OBI1: variants seen among roughly 807,000 people sequenced by gnomAD.
OBI1 encodes the protein ORC ubiquitin ligase 1, also known as ring finger protein 219.
In OBI1, 59 loss-of-function variants were observed where a neutral mutation model predicts 62.4. That is an observed-to-expected ratio of 0.95 (90% confidence interval 0.77 to 1.17). The LOEUF (loss-of-function observed/expected upper bound fraction) is 1.17. Ranked by LOEUF, OBI1 falls within the 50% of genes most tolerant of loss-of-function variation. OBI1 has a pLI of 0.00. For synonymous variants in OBI1, 302 were observed against 292.8 expected (o/e 1.03, Z -0.32); for missense variants, 875 against 830.9 (o/e 1.05, Z -0.65).
chr13:78,655,407 G>A (rs1387437897), intron 1 of OBI1, among the ~76,000 whole-genome samples: 1 of 151,986 alleles, frequency 6.6e-6, no homozygotes, highest in Non-Finnish European at 1.5e-5. Context: ...CCATGGGATG[G>A]TACCTAACTT....
chr13:78,642,476 G>C lies in OBI1; in HGVS notation c.209-263C>G, dbSNP rs185253865. Reference sequence around the variant, plus strand: ...TACATATCTTATCACAGCAAACTCAGTGGAGGAAAGGGCTGTAATTATCAC... The same window carrying C: ...TACATATCTTATCACAGCAAACTCACTGGAGGAAAGGGCTGTAATTATCAC... On this transcript the variant is annotated intron_variant, in intron 2 of 5. Coordinates refer to ENST00000282003, the MANE Select transcript of OBI1 (RefSeq NM_024546.4). Among the ~76,000 whole-genome samples, 882 of 152,260 alleles carry C rather than the reference G, an allele frequency of 5.8e-3. 24 individuals carry two copies. The highest frequency in any genetic ancestry group is 9.1e-3 in the East Asian group (47 of 5,188).
Position 78,614,907 on chromosome 13 carries a change from A to G in OBI1, c.*673T>C, listed in dbSNP as rs764715552. 1 of 152,236 alleles carries G rather than the reference A, an allele frequency of 6.6e-6. No homozygotes were observed. Among genetic ancestry groups the G allele is most frequent in the Non-Finnish European group, 1.5e-5 (1 of 68,054 alleles). The allele number at this position is 152,236 out of a possible 1,614,324, so 9.4% of individuals were successfully genotyped here. ...CTTCATATAGAAAATGTTTTCTTTC[A>G]TACTAGCAGAACATTTTCACAAAAC... is the stretch of plus-strand genomic sequence containing the variant. On this transcript the variant is annotated 3_prime_UTR_variant, in exon 6 of 6. Transcript: ENST00000282003.
chr13:78,658,383 C>G (rs1400715706), intron 1 of OBI1, among the ~76,000 whole-genome samples: 1 of 152,186 alleles, frequency 6.6e-6, no homozygotes, highest in East Asian at 1.9e-4. Context: ...CCTTGTTTCA[C>G]AAACACACTA....
chr13:78,630,004 G>A (rs997067376), intron 5 of OBI1, among the ~76,000 whole-genome samples: 2 of 152,116 alleles, frequency 1.3e-5, no homozygotes, highest in South Asian at 2.1e-4. Context: ...TGAAGGGACC[G>A]CTTAGTACTC....
chr13:78,642,216 G>C lies in OBI1; in HGVS notation c.209-3C>G, dbSNP rs199623098. On this transcript the variant is annotated splice_region_variant and splice_polypyrimidine_tract_variant and intron_variant, in intron 2 of 5. Coordinates refer to ENST00000282003, the MANE Select transcript of OBI1 (RefSeq NM_024546.4). Reference sequence around the variant, plus strand: ...AGGTTCACTTTCACTTGTTCCTCCTGTAGGGAAAAAAAAAAAAATCCTAAT... The same window carrying C: ...AGGTTCACTTTCACTTGTTCCTCCTCTAGGGAAAAAAAAAAAAATCCTAAT... 2 of 1,551,722 alleles carry C rather than the reference G, an allele frequency of 1.3e-6. No individual in the cohort carries two copies. The highest frequency in any genetic ancestry group is 1.8e-6 in the Non-Finnish European group (2 of 1,138,410).
At position 78,653,081 on chromosome 13, in the gene OBI1, C is replaced by G. The variant is rs189596314; in HGVS notation, c.72+5968G>C. Among the ~76,000 whole-genome samples, 7 of 152,302 alleles carry G rather than the reference C, an allele frequency of 4.6e-5. No homozygotes were observed. The East Asian group carries it at 1.4e-3, about 29-fold the overall frequency. ...CCCCTTTCTTAAAAAAGCAAGTATA[C>G]TTGGGCAGAGACATGCCTAAGGCTG... On this transcript the variant is annotated intron_variant, in intron 1 of 5. Transcript: ENST00000282003.
chr13:78,641,221 A>T (rs192558408), intron 3 of OBI1, among the ~76,000 whole-genome samples: 36 of 152,350 alleles, frequency 2.4e-4, no homozygotes, highest in Admixed American at 1.7e-3. Flanking sequence ...AATACATTTT[A>T]GCATTAAATG....
chr13:78,639,312 G>C (rs1322911062), intron 3 of OBI1, among the ~76,000 whole-genome samples: 1 of 152,178 alleles, frequency 6.6e-6, no homozygotes, highest in East Asian at 1.9e-4. Context: ...TGTTAGTTGT[G>C]ATTTTTAAAA....
In OBI1 at chr13:78,617,062, G is replaced by A. The variant is rs765598110; in HGVS notation, c.699C>T (p.Thr233=). 5 of 1,610,934 alleles carry A rather than the reference G, an allele frequency of 3.1e-6. No homozygotes were observed. Among genetic ancestry groups the A allele is most frequent in the Admixed American group, 3.4e-5 (2 of 59,572 alleles). ...QSKVEQYERE[T]NRLKKALERS... ...GTTCCAGGGCTTTCTTGAGGCGATTGGTTTCACGCTCATACTGTTCTACTT... is the reference window on the plus strand; with the variant it reads ...GTTCCAGGGCTTTCTTGAGGCGATTAGTTTCACGCTCATACTGTTCTACTT... Residue 233 remains threonine (T), a synonymous_variant, in exon 6 of 6, where the codon ACC becomes ACT. Transcript: ENST00000282003.
intron 5 of OBI1, among the ~76,000 whole-genome samples, chr13:78,625,661 T>C (rs1308687813): frequency 1.3e-5 from 2 of 152,172 alleles, no homozygotes; most frequent in African/African-American, 2.4e-5. Flanking sequence ...TACCTGTCTA[T>C]CCCCAATTAA....
intron 4 of OBI1, among the ~76,000 whole-genome samples, chr13:78,636,274 T>C (rs979347654): frequency 2.0e-5 from 3 of 152,194 alleles, no homozygotes; most frequent in South Asian, 4.1e-4. Flanking sequence ...CTACTTCCTT[T>C]AAATTCCCTA....
chr13:78,658,916 A>C (rs1876794644), intron 1 of OBI1, 133 bp downstream of exon 1: 1 of 703,290 alleles, frequency 1.4e-6, no homozygotes, highest in East Asian at 3.0e-5. Flanking sequence ...CCTCCCATCA[A>C]GAACGCGGGT....
chr13:78,653,896 G>T (rs573942772), intron 1 of OBI1, among the ~76,000 whole-genome samples: 1 of 152,120 alleles, frequency 6.6e-6, no homozygotes, highest in African/African-American at 2.4e-5. Flanking sequence ...GTGTAAAAAT[G>T]ACTATGGTAG....
intron 4 of OBI1, among the ~76,000 whole-genome samples, chr13:78,636,663 C>T (rs146784021): frequency 1.1e-4 from 17 of 152,266 alleles, no homozygotes; most frequent in Non-Finnish European, 1.8e-4. Context: ...TGCACACCAA[C>T]CAGGACTGTG....
At chr13:78,627,268 T>C (rs1292131752) in intron 5 of OBI1, among the ~76,000 whole-genome samples, 1 of 135,416 alleles carries the variant, frequency 7.4e-6, no homozygotes, top group Non-Finnish European at 1.5e-5. Context: ...TTTTTAGACA[T>C]ACACATTCCC....
rs1409474665 is a variant in OBI1 at position 78,615,262 on chromosome 13, C to T, written c.*318G>A. ...TTTTAAAAAAACAATGTATATCCAACCGAGATACATATCAAATTCAGTAAA... is the reference window on the plus strand; with the variant it reads ...TTTTAAAAAAACAATGTATATCCAATCGAGATACATATCAAATTCAGTAAA... On this transcript the variant is annotated 3_prime_UTR_variant, in exon 6 of 6. Coordinates refer to ENST00000282003, the MANE Select transcript of OBI1 (RefSeq NM_024546.4). 4.5e-6 allele frequency: 1 copy of T among 219,910 alleles called. No individual in the cohort carries two copies. The highest frequency in any genetic ancestry group is 2.3e-5 in the African/African-American group (1 of 43,264). 13.6% of individuals were successfully genotyped at this position (219,910 alleles called of 1,614,324 possible).
At chr13:78,627,401 G>A (rs529990449) in intron 5 of OBI1, among the ~76,000 whole-genome samples, 1 of 149,090 alleles carries the variant, frequency 6.7e-6, no homozygotes, top group African/African-American at 2.5e-5. Flanking sequence ...TGCACCTACT[G>A]ACCCATCCTC....
At chr13:78,626,764 T>C (rs1226532838) in intron 5 of OBI1, among the ~76,000 whole-genome samples, 1 of 152,166 alleles carries the variant, frequency 6.6e-6, no homozygotes, top group African/African-American at 2.4e-5. Context: ...AAGACCCTTT[T>C]ATACTAGACC....
intron 3 of OBI1, among the ~76,000 whole-genome samples, chr13:78,639,497 T>C (rs2137453912): frequency 6.6e-6 from 1 of 151,748 alleles, no homozygotes; most frequent in African/African-American, 2.4e-5. Context: ...ACTGGGTATA[T>C]ACCCAAAGGA....
Sources: allele counts gnomAD v4.1 joint callset (sites outside exome capture counted in the v4.1 genomes callset), GRCh38; gene constraint gnomAD v4.1.1; transcripts MANE v1.5; gene names NCBI Gene and HGNC (gene_info 2026-07-23, HGNC 2026-07-21).